Variants in GBE1 observed in about 807,000 individuals in gnomAD.
GBE1 encodes the protein 1,4-alpha-glucan-branching enzyme.
GBE1 carries 70 observed loss-of-function variants against 88.8 expected under a neutral mutation model. That is an observed-to-expected ratio of 0.79 (90% CI 0.65 to 0.96). The LOEUF is 0.96. Ranked by LOEUF, GBE1 falls within the 40% of genes least tolerant of loss-of-function variation. The probability of loss-of-function intolerance (pLI) is 0.00; values close to 1 mark genes in which losing one functional copy is unlikely to be tolerated. For missense variants in GBE1, 872 were observed against 871.0 expected (o/e 1.00, Z -0.01); for synonymous variants, 284 against 300.1 (o/e 0.95, Z 0.56).
chr3:81,492,183 A>G lies in GBE1; in HGVS notation c.2053-1720T>C, dbSNP rs1176308709. Among the ~76,000 whole-genome samples, 4 of 152,230 alleles carry G rather than the reference A, an allele frequency of 2.6e-5. No homozygotes were observed. In the East Asian group the frequency reaches 7.7e-4, roughly 29 times the overall value. The stretch of plus-strand genomic sequence containing the variant: ...CATCCATGTAGTCACTAAGTGTGAG[A>G]AAACCATGTATTTCAGTGCTACAAA... On this transcript the variant is annotated intron_variant, in intron 15 of 15. Transcript: ENST00000429644.
intron 7 of GBE1, among the ~76,000 whole-genome samples, chr3:81,603,918 T>C (rs945409064): frequency 2.6e-5 from 4 of 152,170 alleles, no homozygotes; most frequent in African/African-American, 7.2e-5. Flanking sequence ...GTTTATGACA[T>C]TAAATGTGCC....
intron 3 of GBE1, chr3:81,650,132 T>A: frequency 5.4e-6 from 2 of 371,044 alleles, no homozygotes; most frequent in South Asian, 6.1e-5. Context: ...AACTTCCAGC[T>A]TGAACATTTT....
At chr3:81,619,017 C>T (rs994912787) in intron 7 of GBE1, among the ~76,000 whole-genome samples, 2 of 151,992 alleles carry the variant, frequency 1.3e-5, no homozygotes, top group Non-Finnish European at 2.9e-5. Context: ...CAAAATAATG[C>T]AAACATGCAG....
chr3:81,549,618 G>C (rs1293865997), intron 12 of GBE1, among the ~76,000 whole-genome samples: 1 of 151,422 alleles, frequency 6.6e-6, no homozygotes, highest in African/African-American at 2.4e-5. Context: ...GTGACTTCAA[G>C]AGTAGAGGAA....
intron 12 of GBE1, among the ~76,000 whole-genome samples, chr3:81,575,550 CA>C (rs1276778961): frequency 2.6e-5 from 4 of 152,002 alleles, no homozygotes; most frequent in Admixed American, 6.6e-5. Flanking sequence ...ATGTGCTATA[CA>C]AATGTATAGT....
chr3:81,556,126 TCCAA>T (rs1426017563), intron 12 of GBE1, among the ~76,000 whole-genome samples: 1 of 66,710 alleles, frequency 1.5e-5, no homozygotes, highest in East Asian at 7.6e-4. Flanking sequence ...CTTGTAAATT[TCCAA>T]GTAAATTTCC....
intron 7 of GBE1, among the ~76,000 whole-genome samples, chr3:81,611,891 A>C (rs1270326050): frequency 6.6e-6 from 1 of 152,172 alleles, no homozygotes; most frequent in Non-Finnish European, 1.5e-5. Flanking sequence ...ATCCAAACAC[A>C]AGCAACGTGA....
intron 14 of GBE1, among the ~76,000 whole-genome samples, chr3:81,528,785 C>A (rs1702979581): frequency 6.6e-6 from 1 of 151,988 alleles, no homozygotes; most frequent in African/African-American, 2.4e-5. Flanking sequence ...GATATTCATG[C>A]AGCTACTCTT....
intron 3 of GBE1, among the ~76,000 whole-genome samples, chr3:81,663,759 C>CT (rs1324423353): frequency 1.3e-5 from 2 of 152,216 alleles, no homozygotes; most frequent in Non-Finnish European, 2.9e-5. Flanking sequence ...CCCCCAGGCA[C>CT]TGCCGTGGGG....
chr3:81,624,628 G>A (rs1199575270), intron 7 of GBE1, among the ~76,000 whole-genome samples: 1 of 151,838 alleles, frequency 6.6e-6, no homozygotes, highest in East Asian at 1.9e-4. Flanking sequence ...ATAAACTTTT[G>A]GACTTTAGAT....
At chr3:81,527,609 TG>T (rs1409956180) in intron 14 of GBE1, among the ~76,000 whole-genome samples, 1 of 151,914 alleles carries the variant, frequency 6.6e-6, no homozygotes, top group Non-Finnish European at 1.5e-5. Flanking sequence ...AAAAGACACA[TG>T]AAAAAATGCT....
intron 12 of GBE1, among the ~76,000 whole-genome samples, chr3:81,554,942 G>T (rs1339095761): frequency 6.6e-6 from 1 of 152,120 alleles, no homozygotes; most frequent in Non-Finnish European, 1.5e-5. Context: ...TGCTTCTATT[G>T]CTCCAGGTTC....
chr3:81,620,426 C>T (rs1300709058), intron 7 of GBE1, among the ~76,000 whole-genome samples: 3 of 152,022 alleles, frequency 2.0e-5, no homozygotes, highest in African/African-American at 7.2e-5. Flanking sequence ...TCGTAATCCG[C>T]CCGCCTCGGC....
At chr3:81,613,261 G>A (rs1329674520) in intron 7 of GBE1, among the ~76,000 whole-genome samples, 1 of 151,610 alleles carries the variant, frequency 6.6e-6, no homozygotes, top group Non-Finnish European at 1.5e-5. Flanking sequence ...AATAGAACAG[G>A]AAAAGAGTCT....
At chr3:81,755,334 T>C (rs535971455) in intron 1 of GBE1, among the ~76,000 whole-genome samples, 1 of 152,182 alleles carries the variant, frequency 6.6e-6, no homozygotes, top group South Asian at 2.1e-4. Flanking sequence ...CTGGTTAGGA[T>C]GTGCAGAAAG....
intron 2 of GBE1, among the ~76,000 whole-genome samples, chr3:81,690,158 A>AT (rs1705499067): frequency 1.3e-5 from 2 of 152,178 alleles, no homozygotes; most frequent in African/African-American, 4.8e-5. Flanking sequence ...TAAGATCTTC[A>AT]CAACTATGAA....
intron 12 of GBE1, among the ~76,000 whole-genome samples, chr3:81,577,407 G>T (rs1703663618): frequency 1.3e-5 from 2 of 151,962 alleles, no homozygotes; most frequent in Non-Finnish European, 2.9e-5. Flanking sequence ...AGAGCTTTCA[G>T]ACAAAAATGA....
chr3:81,698,201 TG>T lies in GBE1; in HGVS notation c.313+7242del, dbSNP rs1705631485. ...GCAAAGCTCCATGATCCAGCACAAT[TG>T]GGGCCAAAAGTTGGTATGTATGTTG... On this transcript the variant is annotated intron_variant, in intron 2 of 15. Coordinates refer to ENST00000429644, the MANE Select transcript of GBE1 (RefSeq NM_000158.4). Among the ~76,000 whole-genome samples the T allele has an allele frequency of 3.3e-5, 5 of 151,796 alleles. No individual in the cohort carries two copies. In the South Asian group the frequency reaches 1.0e-3, roughly 32 times the overall value.
intron 12 of GBE1, among the ~76,000 whole-genome samples, chr3:81,560,012 A>G (rs1356869031): frequency 1.3e-5 from 2 of 152,014 alleles, no homozygotes; most frequent in Non-Finnish European, 2.9e-5. Context: ...ACAGATCCTT[A>G]TATGTTCACA....
Sources: allele counts gnomAD v4.1 joint callset (sites outside exome capture counted in the v4.1 genomes callset), GRCh38; gene constraint gnomAD v4.1.1; transcripts MANE v1.5; gene names NCBI Gene and HGNC (gene_info 2026-07-23, HGNC 2026-07-21).